The following ZYG11B variants were observed in gnomAD, a reference collection of about 807,000 sequenced individuals.
ZYG11B encodes the protein protein zyg-11 homolog B.
A neutral mutation model predicts 82.4 loss-of-function variants in ZYG11B; 36 were observed. That is an observed-to-expected ratio of 0.44 (90% confidence interval 0.33 to 0.58). The LOEUF (loss-of-function observed/expected upper bound fraction) is 0.58, where lower values mean the gene tolerates loss of function less well. Ranked by LOEUF, ZYG11B falls within the 20% of genes least tolerant of loss-of-function variation. ZYG11B has a pLI of 0.02. For missense variants in ZYG11B, 552 were observed against 895.6 expected (o/e 0.62, Z 4.90); for synonymous variants, 303 against 312.8 (o/e 0.97, Z 0.33).
Position 52,771,211 on chromosome 1 carries a change from A to C in ZYG11B, c.388A>C (p.Ser130Arg). ...TITDIISGLG[S>R]NKWIQQNLQC... The stretch of plus-strand genomic sequence containing the variant: ...TACAGACATTATCAGTGGGCTTGGC[A>C]GTAACAAATGGATCCAGCAGAATCT... The change falls in exon 3 of 14, where the codon AGT becomes CGT. Residue 130 changes from serine to arginine, a missense_variant. Coordinates refer to ENST00000294353, the MANE Select transcript of ZYG11B (RefSeq NM_024646.3). This position sits in a 1 kb window ranked among gnomAD's most constrained non-coding sequence, Gnocchi z 5.4. The C allele has an allele frequency of 1.2e-6, 2 of 1,614,250 alleles. No homozygotes were observed. Among genetic ancestry groups the C allele is most frequent in the Non-Finnish European group, 1.7e-6 (2 of 1,180,046 alleles).
chr1:52,805,830 A>G (rs924041590), intron 10 of ZYG11B, among the ~76,000 whole-genome samples: 2 of 152,180 alleles, frequency 1.3e-5, no homozygotes, highest in African/African-American at 4.8e-5. Context: ...ACTCTGTCTC[A>G]GAAAACAAAA....
At position 52,803,137 on chromosome 1, in the gene ZYG11B, CACAT is replaced by C. The variant is rs1414637800; in HGVS notation, c.1695+1000_1695+1003del. On this transcript the variant is annotated intron_variant, in intron 10 of 13. Coordinates refer to ENST00000294353, the MANE Select transcript of ZYG11B (RefSeq NM_024646.3). ...ATATATACACACATATATATATACA[CACAT>C]ATATATATATATACACATATATATA... 5.1e-3 allele frequency among the ~76,000 whole-genome samples: 301 copies of C among 58,908 alleles called. 37 individuals carry two copies. In the East Asian group the frequency reaches 0.11, roughly 22 times the overall value. 38.6% of individuals were successfully genotyped at this position (58,908 alleles called of 152,430 possible).
intron 12 of ZYG11B, among the ~76,000 whole-genome samples, chr1:52,815,792 G>A (rs944051324): frequency 2.0e-5 from 3 of 151,444 alleles, no homozygotes; most frequent in Admixed American, 6.6e-5. Context: ...AAAATTAGCC[G>A]GGCGTGGTGG....
At chr1:52,811,033 CAA>C (rs747809612) in intron 10 of ZYG11B, among the ~76,000 whole-genome samples, 19 of 40,796 alleles carry the variant, frequency 4.7e-4, no homozygotes, top group South Asian at 4.4e-3. Context: ...GGCTCCGTCT[CAA>C]AAAAAAAAAA....
intron 5 of ZYG11B, among the ~76,000 whole-genome samples, chr1:52,786,794 A>G (rs1207916677): frequency 1.3e-5 from 2 of 152,024 alleles, no homozygotes; most frequent in East Asian, 3.9e-4. Flanking sequence ...ACAAACAAAC[A>G]AAAAAGAATG....
intron 3 of ZYG11B, among the ~76,000 whole-genome samples, chr1:52,774,882 C>T (rs1028651077): frequency 2.6e-5 from 4 of 152,034 alleles, no homozygotes; most frequent in African/African-American, 9.7e-5. Context: ...ATTTGTTGGC[C>T]ACCTTATCCC....
chr1:52,767,149 T>C (rs1265576674), intron 2 of ZYG11B, among the ~76,000 whole-genome samples: 1 of 142,044 alleles, frequency 7.0e-6, no homozygotes, highest in Non-Finnish European at 1.6e-5. Context: ...TATGTTGTTT[T>C]GTTATTTTAT....
At chr1:52,796,968 A>T (rs1438846726) in intron 8 of ZYG11B, among the ~76,000 whole-genome samples, 184 bp downstream of exon 8, 1 of 84,136 alleles carries the variant, frequency 1.2e-5, no homozygotes, top group Admixed American at 2.0e-4. Flanking sequence ...ATTATATATA[A>T]TATATATAAA....
chr1:52,763,922 T>C (rs1050818718), intron 2 of ZYG11B, among the ~76,000 whole-genome samples: 16 of 152,206 alleles, frequency 1.1e-4, no homozygotes, highest in Admixed American at 7.2e-4. Flanking sequence ...ATAGACTTTC[T>C]AGGTGCTTGA....
chr1:52,783,849 CACGTGTGTGTG>C lies in ZYG11B; in HGVS notation c.1093-1027_1093-1017del, dbSNP rs1558132621. Among the ~76,000 whole-genome samples, 46 of 137,504 alleles carry C rather than the reference CACGTGTGTGTG, an allele frequency of 3.3e-4. 1 individual carries two copies. The highest frequency in any genetic ancestry group is 1.3e-3 in the African/African-American group (40 of 31,020). 90.2% of individuals were successfully genotyped at this position (137,504 alleles called of 152,430 possible). A position where few individuals can be genotyped will look rare whatever the true frequency, so the allele number is the denominator to read the frequency against. On this transcript the variant is annotated intron_variant, in intron 4 of 13. Coordinates refer to ENST00000294353, the MANE Select transcript of ZYG11B (RefSeq NM_024646.3). ...ATACATACGTGTGTATATGTACATA[CACGTGTGTGTG>C]TATGTACATACACGTGTGTGTATAT...
At chr1:52,755,196 C>T (rs1644563649) in intron 1 of ZYG11B, among the ~76,000 whole-genome samples, 1 of 152,060 alleles carries the variant, frequency 6.6e-6, no homozygotes, top group Admixed American at 6.6e-5. Flanking sequence ...CTCCTGACCT[C>T]ATGATCCGCC....
intron 4 of ZYG11B, 61 bp from the exon 5 acceptor site, chr1:52,784,816 G>T (rs1231175869): frequency 2.0e-6 from 3 of 1,524,262 alleles, no homozygotes; most frequent in African/African-American, 1.4e-5. Flanking sequence ...AAATAATTCT[G>T]CTCTGTGAAG....
At chr1:52,783,321 AT>A (rs201893982) in intron 4 of ZYG11B, among the ~76,000 whole-genome samples, 61 of 152,128 alleles carry the variant, frequency 4.0e-4, no homozygotes, top group African/African-American at 1.4e-3. Context: ...GGATGTTTTG[AT>A]TTTTTTTAAT....
At chr1:52,745,173 A>AAACAGAT (rs1257364831) in intron 1 of ZYG11B, among the ~76,000 whole-genome samples, 1 of 152,218 alleles carries the variant, frequency 6.6e-6, no homozygotes, top group African/African-American at 2.4e-5. Flanking sequence ...CTAACCAACA[A>AAACAGAT]AACAGATAAC....
intron 6 of ZYG11B, among the ~76,000 whole-genome samples, chr1:52,792,444 T>C (rs1055101431): frequency 1.3e-5 from 2 of 152,154 alleles, no homozygotes; most frequent in Admixed American, 1.3e-4. Flanking sequence ...TGTGCTAAAG[T>C]GTTTTATGTA....
At chr1:52,775,813 C>T (rs1386177375) in intron 3 of ZYG11B, among the ~76,000 whole-genome samples, 4 of 151,380 alleles carry the variant, frequency 2.6e-5, no homozygotes, top group African/African-American at 9.7e-5. Flanking sequence ...CGTGGTGGCT[C>T]ACGCCTGTAA....
Position 52,790,041 on chromosome 1 carries a change from G to C in ZYG11B, c.1308G>C (p.Arg436=). Residue 436 remains arginine (R), a synonymous_variant, in exon 6 of 14, where the codon CGG becomes CGC. Transcript: ENST00000294353. ...KNCLLSLCSD[R]ILQDVPFNRF... is the part of the protein sequence containing the mutation. ...GCCTCCTTTCACTTTGCAGTGACCGGATCCTTCAAGATGTTCCATTTAACA... is the reference window on the plus strand; with the variant it reads ...GCCTCCTTTCACTTTGCAGTGACCGCATCCTTCAAGATGTTCCATTTAACA... The C allele has an allele frequency of 6.3e-7, 1 of 1,593,802 alleles. No homozygotes were observed. Among genetic ancestry groups the C allele is most frequent in the African/African-American group, 1.3e-5 (1 of 74,720 alleles).
chr1:52,819,968 G>A (rs796412728), intron 13 of ZYG11B, among the ~76,000 whole-genome samples: 11 of 150,532 alleles, frequency 7.3e-5, no homozygotes, highest in African/African-American at 2.7e-4. Context: ...AGGCTAGAGT[G>A]CAGTGGCATG....
intron 1 of ZYG11B, among the ~76,000 whole-genome samples, chr1:52,750,053 T>A (rs957169094): frequency 8.5e-5 from 13 of 152,206 alleles, no homozygotes; most frequent in Admixed American, 8.5e-4. Flanking sequence ...CATTTTGATG[T>A]ATTTATTTCT....
Sources: gnomAD v4.1 joint callset for allele counts (sites outside exome capture counted in the v4.1 genomes callset) on GRCh38, gnomAD v4.1.1 for gene constraint, Gnocchi (gnomAD v3.1) non-coding constraint, MANE v1.5 for transcripts, NCBI Gene and HGNC (gene_info 2026-07-23, HGNC 2026-07-21) for gene names.